The following ZNF730 variants were observed in gnomAD, a reference collection of about 807,000 sequenced individuals.
ZNF730 encodes putative zinc finger protein 730.
Under a neutral mutation model 12.6 loss-of-function variants are expected in ZNF730, and 12 were observed. The observed-to-expected ratio is 0.95, with a 90% CI of 0.61 to 1.54. The LOEUF is 1.54. Among genes scored for constraint, ZNF730 ranks in the 40% most tolerant of loss-of-function variants. ZNF730 has a pLI of 0.00. For missense variants in ZNF730, 643 were observed against 583.5 expected (o/e 1.10, Z -1.05); for synonymous variants, 194 against 195.8 (o/e 0.99, Z 0.08).
In ZNF730 at chr19:23,145,826, G is replaced by T; in HGVS notation, c.782G>T (p.Cys261Phe). ...TGEKPYQCEK[C>F]GKFFNQSTNL... ...GAAAAACCCTACCAATGTGAGAAAT[G>T]TGGCAAATTTTTTAACCAATCCACA... The change falls in exon 4 of 4, where the codon TGT becomes TTT. Residue 261 changes from cysteine to phenylalanine, a missense_variant. Physicochemically the swap from Cys to Phe is radical, Grantham distance 205. Transcript: ENST00000597761. 1 of 1,600,788 alleles carries T rather than the reference G, an allele frequency of 6.2e-7. No individual in the cohort carries two copies. Among genetic ancestry groups the T allele is most frequent in the Non-Finnish European group, 8.5e-7 (1 of 1,175,044 alleles).
rs59303508 is a variant in ZNF730 at position 23,082,350 on chromosome 19, AT to A, written c.-94+6977del. Among the ~76,000 whole-genome samples, 158 of 145,952 alleles carry A rather than the reference AT, an allele frequency of 1.1e-3. 1 individual carries two copies. Among genetic ancestry groups the A allele is most frequent in the East Asian group, 3.4e-3 (17 of 4,986 alleles). ...CACCCATGTTGTTGCAAATAGCAGAATTTTTTTTTTTTTTGAGATGGAGTCT... is the reference window on the plus strand; with the variant it reads ...CACCCATGTTGTTGCAAATAGCAGAATTTTTTTTTTTTTGAGATGGAGTCT... On this transcript the variant is annotated intron_variant, in intron 1 of 2. Transcript: ENST00000593635.
At chr19:23,113,197 G>C (rs1247699571), upstream of ZNF730, among the ~76,000 whole-genome samples, 2 of 152,108 alleles carry the variant, frequency 1.3e-5, no homozygotes, top group Non-Finnish European at 2.9e-5. Context: ...CAGGCTGTTT[G>C]GTTAAAATAA....
intron 1 of ZNF730, among the ~76,000 whole-genome samples, chr19:23,108,310 A>G (rs1038567687): frequency 2.0e-5 from 3 of 151,966 alleles, no homozygotes; most frequent in African/African-American, 7.3e-5. Context: ...TGTTTAGGGG[A>G]TTTTTAACAC....
chr19:23,128,296 T>A, intron 1 of ZNF730: 1 of 667,422 alleles, frequency 1.5e-6, no homozygotes, highest in Non-Finnish European at 2.8e-6. Context: ...TTACATGCAC[T>A]ACTTAATGAA....
intron 1 of ZNF730, among the ~76,000 whole-genome samples, chr19:23,121,898 T>A (rs926190715): frequency 6.6e-6 from 1 of 152,152 alleles, no homozygotes; most frequent in Non-Finnish European, 1.5e-5. Flanking sequence ...ATTTTGTTCA[T>A]CTCTCTTTTT....
chr19:23,101,814 C>T (rs1433124163), intron 1 of ZNF730, among the ~76,000 whole-genome samples: 2 of 152,154 alleles, frequency 1.3e-5, no homozygotes, highest in Admixed American at 6.5e-5. Flanking sequence ...GTGTTCTGCC[C>T]GCCTCAGCCT....
chr19:23,117,050 G>A lies in ZNF730; in HGVS notation c.-124G>A. 4 of 1,482,778 alleles carry A rather than the reference G, an allele frequency of 2.7e-6. No individual in the cohort carries two copies. The Admixed American group carries it at 6.1e-5, about 22-fold the overall frequency. The allele number at this position is 1,482,778 out of a possible 1,614,324, so 91.9% of individuals were successfully genotyped here. ...GCCTTTGTTTCTCGCTGCCGCCGAA[G>A]CTCCAATTTTCGTCTGTCTGCTTTG... is the stretch of plus-strand genomic sequence containing the variant. On this transcript the variant is annotated 5_prime_UTR_variant, in exon 1 of 4. Coordinates refer to ENST00000597761, the MANE Select transcript of ZNF730 (RefSeq NM_001277403.2).
upstream of ZNF730, among the ~76,000 whole-genome samples, chr19:23,113,994 G>A (rs942466175): frequency 5.9e-5 from 9 of 152,178 alleles, no homozygotes; most frequent in Non-Finnish European, 1.2e-4. Flanking sequence ...CTAACTGAAT[G>A]TGTAAATAGA....
At chr19:23,133,084 A>T (rs1436389812) in intron 1 of ZNF730, among the ~76,000 whole-genome samples, 2 of 152,212 alleles carry the variant, frequency 1.3e-5, no homozygotes, top group Non-Finnish European at 2.9e-5. Context: ...TATGGAGTTA[A>T]TTATTTTTCT....
At chr19:23,089,138 T>C (rs893389023) in intron 1 of ZNF730, among the ~76,000 whole-genome samples, 17 of 152,324 alleles carry the variant, frequency 1.1e-4, no homozygotes, top group African/African-American at 3.8e-4. Flanking sequence ...TCCCAAGTGT[T>C]GGGCTTACAG....
At position 23,093,155 on chromosome 19, in the gene ZNF730, T is replaced by C. The variant is rs940144422; in HGVS notation, c.-94+17768T>C. ...CTAGGCCCAGCTAATTTTGTATTTTTAGTAGATACAGGACTTCGCCCTGTT... is the reference window on the plus strand; with the variant it reads ...CTAGGCCCAGCTAATTTTGTATTTTCAGTAGATACAGGACTTCGCCCTGTT... On this transcript the variant is annotated intron_variant, in intron 1 of 2. Coordinates refer to the ZNF730 transcript ENST00000593635. Among the ~76,000 whole-genome samples, 4 of 152,138 alleles carry C rather than the reference T, an allele frequency of 2.6e-5. 1 individual carries two copies. The highest frequency in any genetic ancestry group is 9.7e-5 in the African/African-American group (4 of 41,448).
At chr19:23,114,177 C>A (rs1970486971), upstream of ZNF730, among the ~76,000 whole-genome samples, 1 of 152,156 alleles carries the variant, frequency 6.6e-6, no homozygotes, top group South Asian at 2.1e-4. Flanking sequence ...CTTTCACCAT[C>A]ATGTTGCTGT....
At chr19:23,123,187 C>G (rs1172976485) in intron 1 of ZNF730, 1 of 152,114 alleles carries the variant, frequency 6.6e-6, no homozygotes, top group Non-Finnish European at 1.5e-5. Flanking sequence ...AGTTTTTCAT[C>G]AAAAAGTGCT....
At chr19:23,115,755 G>C (rs889515372), upstream of ZNF730, among the ~76,000 whole-genome samples, 2 of 152,126 alleles carry the variant, frequency 1.3e-5, no homozygotes, top group African/African-American at 4.8e-5. Context: ...GTTGATACAT[G>C]TCTGAAGGAG....
chr19:23,123,831 C>T (rs1459236425), intron 1 of ZNF730: 1 of 154,430 alleles, frequency 6.5e-6, no homozygotes, highest in Non-Finnish European at 1.5e-5. Flanking sequence ...CTCTCCAATG[C>T]TTTGGGTGTC....
intron 1 of ZNF730, among the ~76,000 whole-genome samples, chr19:23,109,710 G>A (rs1478616807): frequency 6.6e-6 from 1 of 152,086 alleles, no homozygotes; most frequent in Non-Finnish European, 1.5e-5. Flanking sequence ...ACTGCGCCTA[G>A]CCTAATTTTT....
At chr19:23,093,510 G>A (rs1002791855) in intron 1 of ZNF730, among the ~76,000 whole-genome samples, 11 of 152,294 alleles carry the variant, frequency 7.2e-5, no homozygotes, top group East Asian at 1.9e-4. Context: ...TTGGCATCCC[G>A]CCCCTCTGGT....
At chr19:23,136,832 G>T (rs1970839837) in intron 3 of ZNF730, among the ~76,000 whole-genome samples, 1 of 151,424 alleles carries the variant, frequency 6.6e-6, no homozygotes, top group Admixed American at 6.6e-5. Context: ...TTAAATAACT[G>T]GAATTCTGAT....
chr19:23,101,210 G>T, intron 1 of ZNF730, among the ~76,000 whole-genome samples: 1 of 60,332 alleles, frequency 1.7e-5, no homozygotes, highest in Non-Finnish European at 3.7e-5. Flanking sequence ...CAACAGTAAA[G>T]ATTGTCATTC....
Sources: gnomAD v4.1 joint callset for allele counts (sites outside exome capture counted in the v4.1 genomes callset) on GRCh38, gnomAD v4.1.1 for gene constraint, MANE v1.5 for transcripts, NCBI Gene and HGNC (gene_info 2026-07-23, HGNC 2026-07-21) for gene names.